Variants in CLSTN2 observed in about 807,000 individuals in gnomAD.
CLSTN2 encodes the protein calsyntenin 2.
Under a neutral mutation model 101.2 loss-of-function variants are expected in CLSTN2, and 48 were observed. The ratio of observed to expected loss-of-function variants is 0.47; its 90% CI spans 0.38 to 0.60. CLSTN2 has a LOEUF of 0.60. Among genes scored for constraint, CLSTN2 ranks in the 20% least tolerant of loss-of-function variants. CLSTN2 has a pLI of 0.00. For missense variants in CLSTN2, 1,160 were observed against 1,238.2 expected, an observed-to-expected ratio of 0.94 and a Z score of 0.95; for synonymous variants, 481 against 463.6, an observed-to-expected ratio of 1.04 and a Z score of -0.48.
At chr3:140,240,174 C>CTCTCTCTCTCTCTCTCTCTATA (rs1311225528) in intron 2 of CLSTN2, among the ~76,000 whole-genome samples, 1 of 13,358 alleles carries the variant, frequency 7.5e-5, no homozygotes, top group South Asian at 4.4e-3. Context: ...CTCTCTCTCT[C>CTCTCTCTCTCTCTCTCTCTATA]TATATATATA....
At chr3:140,430,736 G>A (rs982761915) in intron 5 of CLSTN2, among the ~76,000 whole-genome samples, 43 of 152,190 alleles carry the variant, frequency 2.8e-4, no homozygotes, top group African/African-American at 9.9e-4. Flanking sequence ...TTTAGACAGA[G>A]GCAAAGAAGT....
At chr3:140,003,158 T>C (rs1177717255) in intron 1 of CLSTN2, among the ~76,000 whole-genome samples, 2 of 152,206 alleles carry the variant, frequency 1.3e-5, no homozygotes, top group African/African-American at 4.8e-5. Flanking sequence ...TTGGGTAGTA[T>C]AGCCATTTTA....
At chr3:140,350,325 C>T (rs935580396) in intron 2 of CLSTN2, among the ~76,000 whole-genome samples, 2 of 152,176 alleles carry the variant, frequency 1.3e-5, no homozygotes, top group African/African-American at 4.8e-5. Flanking sequence ...CTTGCAAATG[C>T]AGATATTATG....
chr3:140,087,149 G>C (rs1488274699), intron 1 of CLSTN2, among the ~76,000 whole-genome samples: 2 of 152,138 alleles, frequency 1.3e-5, no homozygotes, highest in Non-Finnish European at 2.9e-5. Flanking sequence ...TTTGGGTGAA[G>C]TACAGGCTCA....
At chr3:139,964,675 G>A (rs903325449) in intron 1 of CLSTN2, among the ~76,000 whole-genome samples, 6 of 151,990 alleles carry the variant, frequency 3.9e-5, no homozygotes, top group African/African-American at 1.5e-4. Context: ...GAGTGAGGTG[G>A]GTACATGAAC....
chr3:140,512,241 G>C (rs1015196722), intron 8 of CLSTN2, among the ~76,000 whole-genome samples: 16 of 151,940 alleles, frequency 1.1e-4, no homozygotes, highest in African/African-American at 3.6e-4. Context: ...GGTATTGCCT[G>C]GGTTTTCTTC....
At position 140,562,791 on chromosome 3, in the gene CLSTN2, G is replaced by C. The variant is rs112067510; in HGVS notation, c.2213-20G>C. On this transcript the variant is annotated intron_variant, in intron 13 of 16. Coordinates refer to ENST00000458420, the MANE Select transcript of CLSTN2 (RefSeq NM_022131.3). ...CCTCCTTTTCTGCCTTCTGATGACA[G>C]GTGTGGTCTCTTGGCACAGGTGTGG... 23 of 1,612,690 alleles carry C rather than the reference G, an allele frequency of 1.4e-5. No homozygotes were observed. The African/African-American group carries it at 2.0e-4, about 14-fold the overall frequency.
intron 7 of CLSTN2, among the ~76,000 whole-genome samples, chr3:140,462,268 A>T (rs1016857326): frequency 6.6e-6 from 1 of 152,216 alleles, no homozygotes. Flanking sequence ...AAATATTTTT[A>T]AAAATATGGA....
intron 2 of CLSTN2, among the ~76,000 whole-genome samples, chr3:140,381,381 G>T (rs927112309): frequency 6.6e-6 from 1 of 151,994 alleles, no homozygotes; most frequent in African/African-American, 2.4e-5. Context: ...TTTTTGGGGG[G>T]ACACATAATA....
Position 140,466,672 on chromosome 3 carries a change from A to C in CLSTN2, c.1285A>C (p.Lys429Gln). 1 of 1,614,092 alleles carries C rather than the reference A, an allele frequency of 6.2e-7. No homozygotes were observed. Among genetic ancestry groups the C allele is most frequent in the Non-Finnish European group, 8.5e-7 (1 of 1,179,992 alleles). The change falls in exon 8 of 17, where the codon AAG becomes CAG. Residue 429 changes from lysine (K) to glutamine (Q), a missense_variant. Transcript: ENST00000458420. ...HNCRLVFLLR[K>Q]DFDQADTFRP... is the part of the protein sequence containing the mutation. The stretch of plus-strand genomic sequence containing the variant: ...CTGCCGCCTCGTCTTTCTCTTGCGG[A>C]AGGACTTCGACCAGGCTGACACCTT...
intron 2 of CLSTN2, among the ~76,000 whole-genome samples, chr3:140,355,730 G>A (rs1213212442): frequency 3.3e-5 from 5 of 152,194 alleles, no homozygotes; most frequent in Non-Finnish European, 7.3e-5. Context: ...CAGGAGCAAT[G>A]GGGATGCCAT....
intron 2 of CLSTN2, among the ~76,000 whole-genome samples, chr3:140,380,493 A>G (rs1035008157): frequency 2.0e-5 from 3 of 152,188 alleles, no homozygotes; most frequent in South Asian, 2.1e-4. Flanking sequence ...TTCTTTTTTA[A>G]TTCTGCAATT....
In CLSTN2 at chr3:140,499,517, A is replaced by G. The variant is rs572747477; in HGVS notation, c.1344+32786A>G. Among the ~76,000 whole-genome samples the G allele has an allele frequency of 9.5e-4, 144 of 152,308 alleles. 1 individual carries two copies. Among genetic ancestry groups the G allele is most frequent in the African/African-American group, 3.4e-3 (141 of 41,574 alleles). ...TGGGCTGAGAATTGTAACCTAAGAA[A>G]CAAAGGCCCACCTGGGTGCTGAGCT... On this transcript the variant is annotated intron_variant, in intron 8 of 16. Coordinates refer to ENST00000458420, the MANE Select transcript of CLSTN2 (RefSeq NM_022131.3).
At chr3:140,468,550 G>T (rs61110020) in intron 8 of CLSTN2, among the ~76,000 whole-genome samples, 2 of 152,126 alleles carry the variant, frequency 1.3e-5, no homozygotes, top group East Asian at 1.9e-4. Flanking sequence ...ATTGACTACC[G>T]TTTATCAATG....
chr3:140,175,192 T>A (rs1268044537), intron 1 of CLSTN2, among the ~76,000 whole-genome samples: 1 of 152,206 alleles, frequency 6.6e-6, no homozygotes, highest in East Asian at 1.9e-4. Context: ...TTCTAAGTGT[T>A]AGGATATCAA....
At chr3:140,498,271 G>A (rs1934508441) in intron 8 of CLSTN2, among the ~76,000 whole-genome samples, 1 of 152,162 alleles carries the variant, frequency 6.6e-6, no homozygotes, top group Non-Finnish European at 1.5e-5. Flanking sequence ...TTTTTTCCAG[G>A]AGCATTCATT....
At chr3:140,463,449 C>T (rs1310025066) in intron 7 of CLSTN2, among the ~76,000 whole-genome samples, 1 of 152,112 alleles carries the variant, frequency 6.6e-6, no homozygotes, top group African/African-American at 2.4e-5. Context: ...GGGGTATTTT[C>T]ACACTTACAG....
At chr3:140,063,767 T>A (rs2008251931) in intron 1 of CLSTN2, among the ~76,000 whole-genome samples, 1 of 152,170 alleles carries the variant, frequency 6.6e-6, no homozygotes, top group Non-Finnish European at 1.5e-5. Flanking sequence ...ATCTTGCACC[T>A]TGAGCCCTGA....
intron 1 of CLSTN2, among the ~76,000 whole-genome samples, chr3:139,983,195 G>C (rs1057501849): frequency 6.6e-6 from 1 of 151,860 alleles, no homozygotes; most frequent in Non-Finnish European, 1.5e-5. Flanking sequence ...CATATATTTC[G>C]ATTGGCGAAA....
Sources: gnomAD v4.1 joint callset for allele counts (sites outside exome capture counted in the v4.1 genomes callset) on GRCh38, gnomAD v4.1.1 for gene constraint, MANE v1.5 for transcripts, NCBI Gene and HGNC (gene_info 2026-07-23, HGNC 2026-07-21) for gene names.